Variants in CRTC3 observed in about 807,000 individuals in gnomAD.
CRTC3 encodes the protein CREB regulated transcription coactivator 3, also known as CREB-regulated transcription coactivator 3.
A neutral mutation model predicts 74.5 loss-of-function variants in CRTC3; 26 were observed. The ratio of observed to expected loss-of-function variants is 0.35; its 90% CI spans 0.26 to 0.48. CRTC3 has a LOEUF of 0.48. Ranked by LOEUF, CRTC3 falls within the 20% of genes least tolerant of loss-of-function variation. The pLI, the probability that CRTC3 is intolerant of heterozygous loss-of-function variation, is 0.99. For missense variants in CRTC3, 760 were observed against 787.3 expected, an observed-to-expected ratio of 0.97 and a Z score of 0.41; for synonymous variants, 377 against 325.8, an observed-to-expected ratio of 1.16 and a Z score of -1.69.
intron 2 of CRTC3, among the ~76,000 whole-genome samples, chr15:90,569,988 C>G (rs1185240893): frequency 6.6e-6 from 1 of 152,066 alleles, no homozygotes; most frequent in Non-Finnish European, 1.5e-5. Context: ...GATCTATCAG[C>G]TCAGTGCAGT....
In CRTC3 at chr15:90,643,202, C is replaced by T. The variant is rs989530372; in HGVS notation, c.*1062C>T. 4 of 232,658 alleles carry T rather than the reference C, an allele frequency of 1.7e-5. No individual in the cohort carries two copies. Among genetic ancestry groups the T allele is most frequent in the East Asian group, 6.1e-5 (1 of 16,508 alleles). The allele number at this position is 232,658 out of a possible 1,614,324, so 14.4% of individuals were successfully genotyped here. On this transcript the variant is annotated 3_prime_UTR_variant, in exon 15 of 15. Transcript: ENST00000268184. ...TGTGCTGGAGTGAGTGCTGCAGAACCGTGCGTGCAGCGCATGATGAATGAG... is the reference window on the plus strand; with the variant it reads ...TGTGCTGGAGTGAGTGCTGCAGAACTGTGCGTGCAGCGCATGATGAATGAG...
chr15:90,598,573 C>A, intron 3 of CRTC3: 1 of 700,934 alleles, frequency 1.4e-6, no homozygotes, highest in South Asian at 1.5e-5. Context: ...CTCTGAGATC[C>A]TAACATGAGT....
At chr15:90,611,057 ATGTAAGCC>A (rs1968345043) in intron 6 of CRTC3, among the ~76,000 whole-genome samples, 1 of 152,152 alleles carries the variant, frequency 6.6e-6, no homozygotes, top group Non-Finnish European at 1.5e-5. Context: ...ACCTTGAAAG[ATGTAAGCC>A]TGTTAATTGC....
At chr15:90,607,501 G>A (rs757119200) in intron 6 of CRTC3, 23 bp downstream of exon 6, 2 of 1,400,832 alleles carry the variant, frequency 1.4e-6, no homozygotes, top group East Asian at 2.3e-5. Flanking sequence ...GGCCACTGCT[G>A]ACAGCAGCTG....
intron 9 of CRTC3, chr15:90,620,208 GTTAA>G (rs907236937): frequency 3.2e-4 from 63 of 194,880 alleles, no homozygotes; most frequent in African/African-American, 1.4e-3. Context: ...TGGCACAGAA[GTTAA>G]TTAAGAGAGT....
chr15:90,640,302 C>T (rs530280024), intron 13 of CRTC3, among the ~76,000 whole-genome samples: 103 of 152,310 alleles, frequency 6.8e-4, no homozygotes, highest in African/African-American at 2.4e-3. Context: ...AACCAGTCCT[C>T]ATAGAGGCTT....
At chr15:90,568,960 A>G (rs1967190127) in intron 2 of CRTC3, among the ~76,000 whole-genome samples, 2 of 151,996 alleles carry the variant, frequency 1.3e-5, no homozygotes, top group African/African-American at 2.4e-5. Context: ...CACTTAATAG[A>G]CTACAGTATG....
At chr15:90,595,279 T>A (rs1967892300) in intron 3 of CRTC3, 1 of 152,200 alleles carries the variant, frequency 6.6e-6, no homozygotes, top group African/African-American at 2.4e-5. Context: ...GATTTAACAA[T>A]GTATTTTTTT....
At chr15:90,635,866 T>C (rs1392891900) in intron 11 of CRTC3, among the ~76,000 whole-genome samples, 1 of 152,058 alleles carries the variant, frequency 6.6e-6, no homozygotes, top group African/African-American at 2.4e-5. Flanking sequence ...GAAGGACCTC[T>C]TCAAGGAGAA....
At chr15:90,638,166 T>C in intron 11 of CRTC3, 1 of 347,730 alleles carries the variant, frequency 2.9e-6, no homozygotes, top group Non-Finnish European at 5.0e-6. Context: ...AAAACATGAT[T>C]TTCACGGAGA....
intron 10 of CRTC3, among the ~76,000 whole-genome samples, chr15:90,628,022 C>T (rs1414214896): frequency 6.6e-6 from 1 of 150,920 alleles, no homozygotes; most frequent in East Asian, 2.0e-4. Flanking sequence ...TCGAGACCAT[C>T]CTGGCTAACA....
At chr15:90,622,044 G>A (rs533736614) in intron 9 of CRTC3, among the ~76,000 whole-genome samples, 7 of 152,284 alleles carry the variant, frequency 4.6e-5, no homozygotes, top group East Asian at 1.9e-4. Context: ...ACCAGCGGGC[G>A]TTGAGGAAAC....
chr15:90,636,461 A>G (rs895930997), intron 11 of CRTC3, among the ~76,000 whole-genome samples: 6 of 151,350 alleles, frequency 4.0e-5, no homozygotes, highest in African/African-American at 1.5e-4. Context: ...ACCCTAGAAG[A>G]AAACCTAGGC....
intron 2 of CRTC3, among the ~76,000 whole-genome samples, chr15:90,573,121 C>G (rs58372257): frequency 0.026 from 3,967 of 152,186 alleles, 160 homozygotes; most frequent in African/African-American, 0.09. Flanking sequence ...TTTAACTATT[C>G]TAGGTGTCTC....
chr15:90,574,133 G>T (rs1327864800), intron 2 of CRTC3, among the ~76,000 whole-genome samples: 1 of 152,084 alleles, frequency 6.6e-6, no homozygotes. Flanking sequence ...AATTTATTCA[G>T]CTAGTTCCCT....
At chr15:90,551,444 A>G (rs1242977938) in intron 2 of CRTC3, among the ~76,000 whole-genome samples, 1 of 152,150 alleles carries the variant, frequency 6.6e-6, no homozygotes, top group Non-Finnish European at 1.5e-5. Flanking sequence ...ATTAAATACA[A>G]TTAAAAATTC....
chr15:90,573,999 GAAGTT>G (rs929515947), intron 2 of CRTC3, among the ~76,000 whole-genome samples: 3 of 152,188 alleles, frequency 2.0e-5, no homozygotes, highest in African/African-American at 4.8e-5. Context: ...TTGCTTGAAT[GAAGTT>G]AAGTGAATAA....
At chr15:90,623,903 G>A (rs773256892) in intron 9 of CRTC3, among the ~76,000 whole-genome samples, 1 of 152,102 alleles carries the variant, frequency 6.6e-6, no homozygotes, top group Non-Finnish European at 1.5e-5. Flanking sequence ...CTGCTTTTGC[G>A]CATGCTGTGA....
chr15:90,546,828 T>A lies in CRTC3; in HGVS notation c.231+6691T>A, dbSNP rs182963686. 2.8e-3 allele frequency among the ~76,000 whole-genome samples: 420 copies of A among 152,324 alleles called. 2 individuals carry two copies. Among genetic ancestry groups the A allele is most frequent in the Non-Finnish European group, 5.1e-3 (345 of 68,028 alleles). On this transcript the variant is annotated intron_variant, in intron 2 of 14. Coordinates refer to ENST00000268184, the MANE Select transcript of CRTC3 (RefSeq NM_022769.5). The stretch of plus-strand genomic sequence containing the variant: ...GTATTAGAGACGGGGTTTCACTGTG[T>A]TAGCCAGGATGGTCTCGATCTCCTG...
Sources: allele counts gnomAD v4.1 joint callset (sites outside exome capture counted in the v4.1 genomes callset), GRCh38; gene constraint gnomAD v4.1.1; transcripts MANE v1.5; gene names NCBI Gene and HGNC (gene_info 2026-07-23, HGNC 2026-07-21).